The following LZTS2 variants were observed in gnomAD, a reference collection of about 807,000 sequenced individuals.
The protein encoded by LZTS2 is leucine zipper putative tumor suppressor 2.
Under a neutral mutation model 60.6 loss-of-function variants are expected in LZTS2, and 32 were observed. The ratio of observed to expected loss-of-function variants is 0.53; its 90% CI spans 0.40 to 0.71. The LOEUF is 0.71. LZTS2 is among the 30% of genes least tolerant of loss of function. The probability of loss-of-function intolerance (pLI) is 0.00; values close to 1 mark genes in which losing one functional copy is unlikely to be tolerated. For synonymous variants in LZTS2, 360 were observed against 393.1 expected, an observed-to-expected ratio of 0.92 and a Z score of 1.00; for missense variants, 792 against 901.9, an observed-to-expected ratio of 0.88 and a Z score of 1.56.
chr10:101,007,269 C>T lies in LZTS2; in HGVS notation c.*101C>T, dbSNP rs915836601. On this transcript the variant is annotated 3_prime_UTR_variant, in exon 4 of 4. Coordinates refer to ENST00000370220, the Ensembl canonical transcript of LZTS2. Reference sequence around the variant, plus strand: ...CACGGATGGCCCCAAAGGCTGAGGGCCCCAAAGCCACTTGTCTCCTAGGAT... The same window carrying T: ...CACGGATGGCCCCAAAGGCTGAGGGTCCCAAAGCCACTTGTCTCCTAGGAT... 4 of 1,428,542 alleles carry T rather than the reference C, an allele frequency of 2.8e-6. No individual in the cohort carries two copies. The African/African-American group carries it at 5.7e-5, about 21-fold the overall frequency. 88.5% of individuals were successfully genotyped at this position (1,428,542 alleles called of 1,614,324 possible).
At chr10:101,007,093 G>A (rs1852233793) in exon 4 of LZTS2, 1 of 1,610,808 alleles carries the variant, frequency 6.2e-7, no homozygotes, top group African/African-American at 1.3e-5. Flanking sequence ...TGGAGGCCCG[G>A]GAGCTCGCTG....
intron 2 of LZTS2, among the ~76,000 whole-genome samples, chr10:101,004,660 T>G (rs959234451): frequency 6.6e-6 from 1 of 152,100 alleles, no homozygotes; most frequent in Admixed American, 6.5e-5. Context: ...GATTCAAACC[T>G]CCCACTGCCA....
At chr10:101,007,090 C>A in exon 4 of LZTS2, 1 of 1,610,596 alleles carries the variant, frequency 6.2e-7, no homozygotes, top group Non-Finnish European at 8.5e-7. Flanking sequence ...AGCTGGAGGC[C>A]CGGGAGCTCG....
At chr10:101,002,344 C>T in exon 1 of LZTS2, 1 of 500,648 alleles carries the variant, frequency 2.0e-6, no homozygotes, top group Non-Finnish European at 3.4e-6. Context: ...GTTTGGGGCC[C>T]AGGGGGAATT....
chr10:101,007,476 A>G lies in LZTS2; in HGVS notation c.*308A>G, dbSNP rs959757595. ...TTCACAGGCGCTTCCAGCCCACTCC[A>G]GCCAGGGGAGCAGGGAAGAAGAAGG... is the stretch of plus-strand genomic sequence containing the variant. On this transcript the variant is annotated 3_prime_UTR_variant, in exon 4 of 4. Coordinates refer to ENST00000370220, the Ensembl canonical transcript of LZTS2. 6.3e-6 allele frequency: 9 copies of G among 1,427,528 alleles called. No individual in the cohort carries two copies. In the Admixed American group the frequency reaches 8.5e-5, roughly 13 times the overall value. The allele number at this position is 1,427,528 out of a possible 1,614,324, so 88.4% of individuals were successfully genotyped here.
chr10:101,006,605 G>T lies in LZTS2; in HGVS notation c.1447G>T (p.Ala483Ser). The change falls in exon 4 of 4, where the codon GCT (alanine) becomes TCT (serine). Residue 483 changes from alanine to serine, a missense_variant. Ala to Ser is a moderately conservative substitution (Grantham distance 99). Transcript: ENST00000370220. ...GCGGGTGGCGCTGCGGGAGGCCCGTGCTACGCTGCGGGTCAGTGAGGGCCG... is the reference window on the plus strand; with the variant it reads ...GCGGGTGGCGCTGCGGGAGGCCCGTTCTACGCTGCGGGTCAGTGAGGGCCG... 6.2e-7 allele frequency: 1 copy of T among 1,605,004 alleles called. No individual in the cohort carries two copies. The highest frequency in any genetic ancestry group is 8.5e-7 in the Non-Finnish European group (1 of 1,176,510).
chr10:101,004,037 A>G (rs1281821910), exon 2 of LZTS2: 6 of 1,611,780 alleles, frequency 3.7e-6, no homozygotes, highest in Admixed American at 1.7e-5. Flanking sequence ...GCTCACCACC[A>G]CCCCCGCCTC....
chr10:101,006,353 C>G (rs910486120), intron 3 of LZTS2, 132 bp from the exon 5 acceptor site: 1 of 1,426,696 alleles, frequency 7.0e-7, no homozygotes, highest in East Asian at 2.5e-5. Flanking sequence ...ACTAGACTTG[C>G]TTTAGTGTCT....
upstream of LZTS2, chr10:100,997,032 G>A (rs1156949385): frequency 6.6e-6 from 1 of 152,434 alleles, no homozygotes; most frequent in Non-Finnish European, 1.5e-5. Context: ...CTCCCTGGGT[G>A]GGGGGCGCGG....
upstream of LZTS2, chr10:100,999,326 C>G (rs1055935794): frequency 2.6e-5 from 4 of 152,260 alleles, no homozygotes; most frequent in African/African-American, 7.2e-5. Flanking sequence ...GTGGGGCAGG[C>G]GCGGATCGAG....
Position 101,002,960 on chromosome 10 carries a change from C to G in LZTS2, c.408+14C>G, listed in dbSNP as rs765060268. 10 of 1,599,872 alleles carry G rather than the reference C, an allele frequency of 6.3e-6. No individual in the cohort carries two copies. The highest frequency in any genetic ancestry group is 8.5e-6 in the Non-Finnish European group (10 of 1,172,816). ...AAGCTGGAGAAGGTGAGGACCGGCT[C>G]TTCCTTGTGGGCCTGGGTAGAACGG... On this transcript the variant is annotated intron_variant, in intron 1 of 3. Coordinates refer to ENST00000370220, the Ensembl canonical transcript of LZTS2.
chr10:101,005,845 G>A, intron 3 of LZTS2, 130 bp downstream of exon 4: 1 of 1,266,378 alleles, frequency 7.9e-7, no homozygotes, highest in Non-Finnish European at 1.1e-6. Context: ...CGTGAGATGA[G>A]GTTCCCCTCT....
chr10:101,003,337 T>C (rs562558920), intron 1 of LZTS2, among the ~76,000 whole-genome samples, 170 bp from the exon 3 acceptor site: 91 of 152,264 alleles, frequency 6.0e-4, no homozygotes, highest in African/African-American at 2.1e-3. Flanking sequence ...GGAGATAAAC[T>C]TTTCAAATTG....
exon 1 of LZTS2, chr10:101,002,930 C>T: frequency 6.2e-7 from 1 of 1,610,778 alleles, no homozygotes; most frequent in Non-Finnish European, 8.5e-7. Flanking sequence ...ATCCCTGTCT[C>T]TGGAAAGCTG....
chr10:101,007,791 C>A, exon 4 of LZTS2: 1 of 418,322 alleles, frequency 2.4e-6, no homozygotes, highest in Non-Finnish European at 3.2e-6. Context: ...ATTTCTTGTA[C>A]AAACCCAAAG....
chr10:101,004,029 T>TCAC (rs1852110352), exon 2 of LZTS2: 1 of 1,613,080 alleles, frequency 6.2e-7, no homozygotes, highest in African/African-American at 1.3e-5. Flanking sequence ...TGGGGAGCGC[T>TCAC]CACCACCACC....
chr10:101,007,691 G>C (rs1016837400), exon 4 of LZTS2: 3 of 1,044,410 alleles, frequency 2.9e-6, no homozygotes, highest in Non-Finnish European at 3.5e-6. Flanking sequence ...ACTCAGAAAT[G>C]TCTTGTTTAT....
chr10:100,998,128 A>T (rs1398477461), upstream of LZTS2, among the ~76,000 whole-genome samples: 1 of 152,058 alleles, frequency 6.6e-6, no homozygotes, highest in African/African-American at 2.4e-5. Flanking sequence ...CATGAGTGTA[A>T]ACGCTCCCTC....
chr10:101,002,284 C>T, exon 1 of LZTS2: 1 of 369,394 alleles, frequency 2.7e-6, no homozygotes, highest in Non-Finnish European at 4.8e-6. Context: ...AGCATCTCTG[C>T]TGAGTGAATT....
Sources: gnomAD v4.1 joint callset for allele counts (sites outside exome capture counted in the v4.1 genomes callset) on GRCh38, gnomAD v4.1.1 for gene constraint, MANE v1.5 for transcripts, NCBI Gene and HGNC (gene_info 2026-07-23, HGNC 2026-07-21) for gene names.